The following NRXN3 variants were observed in gnomAD, a reference collection of about 807,000 sequenced individuals.
The protein encoded by NRXN3 is neurexin III.
In NRXN3, 32 loss-of-function variants were observed where a neutral mutation model predicts 137.6. That is an observed-to-expected ratio of 0.23 (90% CI 0.18 to 0.31). The LOEUF is 0.31. NRXN3 is among the 10% of genes least tolerant of loss of function. The probability of loss-of-function intolerance (pLI) is 1.00; values close to 1 mark genes in which losing one functional copy is unlikely to be tolerated. For missense variants in NRXN3, 1,574 were observed against 2,062.5 expected, an observed-to-expected ratio of 0.76 and a Z score of 4.59; for synonymous variants, 798 against 784.5, an observed-to-expected ratio of 1.02 and a Z score of -0.29.
intron 6 of NRXN3, among the ~76,000 whole-genome samples, chr14:78,663,662 G>A (rs987214111): frequency 6.6e-6 from 1 of 152,090 alleles, no homozygotes; most frequent in Admixed American, 6.5e-5. Context: ...GACTTATTAT[G>A]AATTTTCAGT....
chr14:79,723,293 G>A, intron 19 of NRXN3, among the ~76,000 whole-genome samples: 1 of 152,136 alleles, frequency 6.6e-6, no homozygotes, highest in East Asian at 1.9e-4. Flanking sequence ...GGGAGTGGAA[G>A]TAGGAAAAGG....
chr14:78,480,196 G>A (rs2095449341), intron 4 of NRXN3, among the ~76,000 whole-genome samples: 1 of 152,032 alleles, frequency 6.6e-6, no homozygotes, highest in South Asian at 2.1e-4. Context: ...CTTCGTCATG[G>A]GGCTTATATT....
At chr14:78,691,858 T>G (rs962157970) in intron 6 of NRXN3, among the ~76,000 whole-genome samples, 2 of 152,110 alleles carry the variant, frequency 1.3e-5, no homozygotes, top group African/African-American at 4.8e-5. Flanking sequence ...GAGAGTTGAC[T>G]CATTATGTCA....
intron 20 of NRXN3, among the ~76,000 whole-genome samples, chr14:79,813,505 A>G (rs984744385): frequency 6.6e-6 from 1 of 152,162 alleles, no homozygotes; most frequent in African/African-American, 2.4e-5. Context: ...TTTATGAGTA[A>G]CTATAATCAT....
At chr14:79,791,067 C>T (rs967464760) in intron 19 of NRXN3, 4 of 152,230 alleles carry the variant, frequency 2.6e-5, no homozygotes, top group African/African-American at 9.6e-5. Context: ...AGCCCCACCT[C>T]CAACATTAGG....
intron 10 of NRXN3, among the ~76,000 whole-genome samples, chr14:78,859,452 T>C (rs1311608870): frequency 6.6e-6 from 1 of 152,206 alleles, no homozygotes; most frequent in African/African-American, 2.4e-5. Context: ...TCCAGTCTGA[T>C]GATGTTGTGG....
chr14:79,589,896 G>A (rs1203597794), intron 16 of NRXN3, among the ~76,000 whole-genome samples: 1 of 152,178 alleles, frequency 6.6e-6, no homozygotes, highest in Non-Finnish European at 1.5e-5. Flanking sequence ...GCTATTGAAT[G>A]ACTGTGGAGT....
At chr14:78,602,312 A>AT (rs1412928999) in intron 4 of NRXN3, 1 of 141,002 alleles carries the variant, frequency 7.1e-6, no homozygotes, top group African/African-American at 2.8e-5. Flanking sequence ...CTCTACCTTC[A>AT]AAAGCAAGCA....
chr14:79,598,449 C>T (rs1174932541), intron 16 of NRXN3, among the ~76,000 whole-genome samples: 2 of 152,174 alleles, frequency 1.3e-5, no homozygotes, highest in East Asian at 1.9e-4. Context: ...GACATTTTGG[C>T]TCCATTTTCT....
chr14:78,437,579 C>T (rs2094115298), intron 4 of NRXN3, among the ~76,000 whole-genome samples: 1 of 152,128 alleles, frequency 6.6e-6, no homozygotes, highest in African/African-American at 2.4e-5. Flanking sequence ...GAACTCCTGA[C>T]CTCAAGTGAT....
intron 8 of NRXN3, among the ~76,000 whole-genome samples, chr14:78,732,666 T>C (rs1486924014): frequency 6.6e-6 from 1 of 152,198 alleles, no homozygotes; most frequent in Non-Finnish European, 1.5e-5. Context: ...AGAAACTAGC[T>C]CTGATTTTAA....
intron 15 of NRXN3, among the ~76,000 whole-genome samples, chr14:79,134,019 G>T (rs1301556047): frequency 1.3e-5 from 2 of 151,964 alleles, no homozygotes; most frequent in South Asian, 4.2e-4. Flanking sequence ...ACAACCAGTG[G>T]TGTCCTCATT....
chr14:79,494,464 A>T lies in NRXN3; in HGVS notation c.3444+27062A>T, dbSNP rs113045062. 2.6e-5 allele frequency among the ~76,000 whole-genome samples: 4 copies of T among 152,328 alleles called. 1 individual carries two copies. The highest frequency in any genetic ancestry group is 9.6e-5 in the African/African-American group (4 of 41,572). ...GAGGTGAAAAGTGAGTTGCAGTTTC[A>T]TTAAACATGGTCATCCTCCAACACC... On this transcript the variant is annotated intron_variant, in intron 16 of 20. Coordinates refer to ENST00000335750, the MANE Select transcript of NRXN3 (RefSeq NM_001330195.2).
chr14:78,557,509 A>G (rs959890837), intron 4 of NRXN3, among the ~76,000 whole-genome samples: 1 of 152,202 alleles, frequency 6.6e-6, no homozygotes, highest in East Asian at 1.9e-4. Flanking sequence ...TGTGTCATCC[A>G]TAAAATGGAG....
intron 10 of NRXN3, among the ~76,000 whole-genome samples, chr14:78,858,427 C>T (rs560343687): frequency 6.6e-6 from 1 of 152,246 alleles, no homozygotes; most frequent in South Asian, 2.1e-4. Context: ...GCTAGATGTT[C>T]TACCTTCACT....
At chr14:79,837,152 T>TA (rs2099345812) in intron 20 of NRXN3, among the ~76,000 whole-genome samples, 1 of 152,248 alleles carries the variant, frequency 6.6e-6, no homozygotes, top group African/African-American at 2.4e-5. Context: ...AAAGGCAACA[T>TA]AGAAAATAAG....
At chr14:79,759,085 A>AT (rs1336850031) in intron 19 of NRXN3, among the ~76,000 whole-genome samples, 1 of 152,140 alleles carries the variant, frequency 6.6e-6, no homozygotes, top group Non-Finnish European at 1.5e-5. Flanking sequence ...ATGTAATAAG[A>AT]TTTTTTTAGA....
At chr14:79,744,570 G>T (rs927653547) in intron 19 of NRXN3, among the ~76,000 whole-genome samples, 9 of 152,160 alleles carry the variant, frequency 5.9e-5, no homozygotes, top group African/African-American at 2.2e-4. Context: ...TTCTGTAATT[G>T]TTACTAACAT....
At chr14:79,528,479 C>T (rs565146720) in intron 16 of NRXN3, among the ~76,000 whole-genome samples, 1 of 152,148 alleles carries the variant, frequency 6.6e-6, no homozygotes, top group South Asian at 2.1e-4. Context: ...TATACAAGAT[C>T]AATTTAGTCA....
Sources: gnomAD v4.1 joint callset for allele counts (sites outside exome capture counted in the v4.1 genomes callset) on GRCh38, gnomAD v4.1.1 for gene constraint, MANE v1.5 for transcripts, NCBI Gene and HGNC (gene_info 2026-07-23, HGNC 2026-07-21) for gene names.